Variants in MXI1 observed in about 807,000 individuals in gnomAD.
MXI1 encodes the protein max-interacting protein 1.
Under a neutral mutation model 36.9 loss-of-function variants are expected in MXI1, and 18 were observed. That is an observed-to-expected ratio of 0.49 (90% CI 0.34 to 0.72). The LOEUF (loss-of-function observed/expected upper bound fraction) is 0.72, where lower values mean the gene tolerates loss of function less well. Ranked by LOEUF, MXI1 falls within the 30% of genes least tolerant of loss-of-function variation. The pLI is 0.01. For missense variants in MXI1, 304 were observed against 379.1 expected, an observed-to-expected ratio of 0.80 and a Z score of 1.64; for synonymous variants, 160 against 146.7, an observed-to-expected ratio of 1.09 and a Z score of -0.65.
At chr10:110,256,062 T>C (rs910105785) in intron 3 of MXI1, among the ~76,000 whole-genome samples, 9 of 152,140 alleles carry the variant, frequency 5.9e-5, no homozygotes, top group African/African-American at 2.2e-4. Flanking sequence ...GACAATGTAA[T>C]GTATTTTCAA....
At chr10:110,227,764 GTCTT>G (rs988367281) in intron 1 of MXI1, 22 of 184,564 alleles carry the variant, frequency 1.2e-4, no homozygotes, top group Admixed American at 8.2e-4. Context: ...GAGAGAAAAT[GTCTT>G]TCTAAGACTT....
rs536185940 is a variant in MXI1, at chr10:110,212,311, G to C, written c.274+4229G>C. Among the ~76,000 whole-genome samples the C allele has an allele frequency of 2.6e-4, 39 of 152,266 alleles. 2 individuals carry two copies. In the South Asian group the frequency reaches 7.9e-3, roughly 31 times the overall value. ...AAGCTGCTGTTGTGTGGTGTCATTT[G>C]GCCCCACCCTGCCTTCTGACTTAAT... On this transcript the variant is annotated intron_variant, in intron 1 of 5. Coordinates refer to ENST00000332674, the MANE Select transcript of MXI1 (RefSeq NM_130439.3).
chr10:110,240,432 C>T (rs1855630162), intron 2 of MXI1, among the ~76,000 whole-genome samples: 1 of 151,860 alleles, frequency 6.6e-6, no homozygotes, highest in African/African-American at 2.4e-5. Context: ...ATTGTTTTGT[C>T]ATTGTTAAGA....
chr10:110,221,816 C>T (rs907736392), intron 1 of MXI1, among the ~76,000 whole-genome samples: 2 of 152,334 alleles, frequency 1.3e-5, no homozygotes, highest in East Asian at 1.9e-4. Context: ...GCGTTCCCCC[C>T]ACCCCATGTC....
chr10:110,260,496 G>GAC (rs560337143), intron 3 of MXI1, among the ~76,000 whole-genome samples: 8,339 of 148,816 alleles, frequency 0.056, 338 homozygotes, highest in Middle Eastern at 0.15. Flanking sequence ...TAACACTTGA[G>GAC]ACACACACAC....
At chr10:110,252,589 G>A (rs752760326) in intron 3 of MXI1, among the ~76,000 whole-genome samples, 43 of 152,050 alleles carry the variant, frequency 2.8e-4, no homozygotes, top group Non-Finnish European at 3.5e-4. Context: ...TTTTTATGTC[G>A]CCTTAACATT....
intron 3 of MXI1, among the ~76,000 whole-genome samples, chr10:110,269,760 G>A (rs1856799525): frequency 6.6e-6 from 1 of 152,136 alleles, no homozygotes; most frequent in African/African-American, 2.4e-5. Context: ...CAATACTATT[G>A]ACATCACTGT....
chr10:110,260,277 G>C (rs1040796557), intron 3 of MXI1, among the ~76,000 whole-genome samples: 1 of 151,898 alleles, frequency 6.6e-6, no homozygotes, highest in Non-Finnish European at 1.5e-5. Context: ...TATTAAAGGA[G>C]GATCTCTAGA....
intron 3 of MXI1, among the ~76,000 whole-genome samples, chr10:110,262,428 T>C (rs551657462): frequency 1.3e-5 from 2 of 152,074 alleles, no homozygotes; most frequent in Non-Finnish European, 2.9e-5. Flanking sequence ...TATATGTACA[T>C]GTATGTGTAT....
rs1481556047 is a variant in MXI1 at position 110,287,322 on chromosome 10, G to A, written c.*2335G>A. ...TTTTAAAAGACAAATCAACTTTGAA[G>A]ACACAAAAGTTAATTGGAAGAAATA... is the stretch of plus-strand genomic sequence containing the variant. On this transcript the variant is annotated 3_prime_UTR_variant, in exon 6 of 6. Coordinates refer to ENST00000332674, the MANE Select transcript of MXI1 (RefSeq NM_130439.3). 6.6e-6 allele frequency: 1 copy of A among 152,148 alleles called. No homozygotes were observed. Among genetic ancestry groups the A allele is most frequent in the Non-Finnish European group, 1.5e-5 (1 of 68,012 alleles). 9.4% of individuals were successfully genotyped at this position (152,148 alleles called of 1,614,324 possible).
chr10:110,232,708 T>C (rs1360789356), intron 2 of MXI1, among the ~76,000 whole-genome samples: 2 of 152,220 alleles, frequency 1.3e-5, no homozygotes, highest in East Asian at 3.8e-4. Context: ...CTGTCTTAAA[T>C]TGAATTTCTT....
chr10:110,275,204 G>A (rs1856987568), intron 3 of MXI1, among the ~76,000 whole-genome samples: 2 of 152,036 alleles, frequency 1.3e-5, no homozygotes, highest in Admixed American at 6.6e-5. Context: ...ATCAAACCAA[G>A]CTTTTTTCTT....
At chr10:110,226,391 G>T in intron 1 of MXI1, 1 of 1,259,176 alleles carries the variant, frequency 7.9e-7, no homozygotes, top group Non-Finnish European at 1.0e-6. Flanking sequence ...CATGAGGTGA[G>T]GTGTGCGCGC....
At chr10:110,209,515 G>A (rs1854454466) in intron 1 of MXI1, among the ~76,000 whole-genome samples, 1 of 152,196 alleles carries the variant, frequency 6.6e-6, no homozygotes, top group Non-Finnish European at 1.5e-5. Flanking sequence ...ACGCTGTAAG[G>A]CCAAAACGAG....
intron 1 of MXI1, among the ~76,000 whole-genome samples, chr10:110,212,459 T>A (rs1335457307): frequency 3.9e-5 from 6 of 152,236 alleles, no homozygotes; most frequent in Non-Finnish European, 4.4e-5. Flanking sequence ...TTCATTCTCT[T>A]ACTCCCCTAG....
chr10:110,252,638 A>C (rs1010830465), intron 3 of MXI1, among the ~76,000 whole-genome samples: 1 of 152,040 alleles, frequency 6.6e-6, no homozygotes, highest in Non-Finnish European at 1.5e-5. Context: ...ATGCTGTCTG[A>C]CTTCTTTCAC....
intron 1 of MXI1, among the ~76,000 whole-genome samples, chr10:110,220,274 G>A (rs907293928): frequency 3.9e-5 from 6 of 152,204 alleles, no homozygotes; most frequent in African/African-American, 7.2e-5. Flanking sequence ...GAGCAGCACC[G>A]TGCATGTTGG....
intron 1 of MXI1, among the ~76,000 whole-genome samples, chr10:110,222,793 G>C (rs150728739): frequency 6.6e-6 from 1 of 152,152 alleles, no homozygotes; most frequent in Non-Finnish European, 1.5e-5. Context: ...GGGTTCCTCC[G>C]GGCTGAGACT....
intron 2 of MXI1, among the ~76,000 whole-genome samples, chr10:110,234,769 T>A (rs1855395644): frequency 6.6e-6 from 1 of 152,212 alleles, no homozygotes; most frequent in Non-Finnish European, 1.5e-5. Flanking sequence ...TTTACCTTAA[T>A]GTGTTTTTTA....
Sources: gnomAD v4.1 joint callset for allele counts (sites outside exome capture counted in the v4.1 genomes callset) on GRCh38, gnomAD v4.1.1 for gene constraint, MANE v1.5 for transcripts, NCBI Gene and HGNC (gene_info 2026-07-23, HGNC 2026-07-21) for gene names.